The following EPB41L3 variants were observed in gnomAD, a reference collection of about 807,000 sequenced individuals.
EPB41L3 encodes band 4.1-like protein 3.
In EPB41L3, 57 loss-of-function variants were observed where a neutral mutation model predicts 127.1. The observed-to-expected ratio is 0.45, with a 90% CI of 0.36 to 0.56. The LOEUF (loss-of-function observed/expected upper bound fraction) is 0.56. Ranked by LOEUF, EPB41L3 falls within the 20% of genes least tolerant of loss-of-function variation. The pLI, the probability that EPB41L3 is intolerant of heterozygous loss-of-function variation, is 0.00. For missense variants in EPB41L3, 1,273 were observed against 1,372.2 expected (o/e 0.93, Z 1.14); for synonymous variants, 572 against 549.5 (o/e 1.04, Z -0.57).
At chr18:5,574,471 G>A (rs1042813588) in intron 3 of EPB41L3, among the ~76,000 whole-genome samples, 5 of 149,424 alleles carry the variant, frequency 3.3e-5, no homozygotes, top group African/African-American at 9.9e-5. Context: ...TATTTTAGTA[G>A]AATCAGTTTT....
intron 3 of EPB41L3, among the ~76,000 whole-genome samples, chr18:5,604,638 G>A (rs2094628831): frequency 6.6e-6 from 1 of 152,050 alleles, no homozygotes; most frequent in South Asian, 2.1e-4. Context: ...ATTTTTAGTA[G>A]AGAAGGGGTT....
At chr18:5,495,770 T>C (rs1280206605) in intron 1 of EPB41L3, among the ~76,000 whole-genome samples, 1 of 152,224 alleles carries the variant, frequency 6.6e-6, no homozygotes, top group Non-Finnish European at 1.5e-5. Flanking sequence ...CGCCCAACTC[T>C]GCCATATGCT....
At chr18:5,472,902 A>C (rs937188876) in intron 3 of EPB41L3, among the ~76,000 whole-genome samples, 14 of 152,228 alleles carry the variant, frequency 9.2e-5, no homozygotes, top group Admixed American at 8.5e-4. Flanking sequence ...TACTTCCATA[A>C]ATTTCCTTAT....
At chr18:5,463,744 G>C (rs1159973335) in intron 3 of EPB41L3, 2 of 152,210 alleles carry the variant, frequency 1.3e-5, no homozygotes, top group East Asian at 3.9e-4. Context: ...TCTCCATGAG[G>C]ATGCAGTCAG....
chr18:5,485,284 A>C (rs1187129876), intron 2 of EPB41L3, among the ~76,000 whole-genome samples: 1 of 152,120 alleles, frequency 6.6e-6, no homozygotes, highest in Non-Finnish European at 1.5e-5. Context: ...AAAGCATTTG[A>C]TAAAATTCAA....
In EPB41L3 at chr18:5,463,133, G is replaced by T. The variant is rs560819531; in HGVS notation, c.381+15108C>A. ...TCTCTACCTCATTGCCAATTGCCTT[G>T]GTTCTGGTTCTCAGCATCTCCTGCC... On this transcript the variant is annotated intron_variant, in intron 3 of 22. Transcript: ENST00000341928. Among the ~76,000 whole-genome samples the T allele has an allele frequency of 8.6e-4, 131 of 152,244 alleles. 1 individual carries two copies. The highest frequency in any genetic ancestry group is 3.0e-3 in the African/African-American group (124 of 41,520).
intron 3 of EPB41L3, chr18:5,467,417 G>C (rs964212665): frequency 2.0e-5 from 3 of 152,148 alleles, no homozygotes; most frequent in Non-Finnish European, 4.4e-5. Flanking sequence ...AACAGGATCT[G>C]AGCCCCTTTT....
chr18:5,576,295 G>C (rs765481163), intron 3 of EPB41L3, among the ~76,000 whole-genome samples: 16 of 152,152 alleles, frequency 1.1e-4, no homozygotes, highest in Non-Finnish European at 1.5e-4. Context: ...GATTGTTTTT[G>C]AAAGTTAATG....
Position 5,406,891 on chromosome 18 carries a change from G to C in EPB41L3, c.2235C>G (p.Thr745=). Residue 745 remains threonine, a synonymous_variant, in exon 16 of 23, where the codon ACC becomes ACG. Coordinates refer to ENST00000341928, the MANE Select transcript of EPB41L3 (RefSeq NM_012307.5). ...CATTCGTTACGGCAGTGTCTGTTGA[G>C]GTTTCTAAGAAGGTTCTTTTCAGCT... The part of the protein sequence containing the change: ...ISELKRTFLE[T]STDTAVTNEW... The C allele has an allele frequency of 6.2e-7, 1 of 1,614,136 alleles. No homozygotes were observed. The highest frequency in any genetic ancestry group is 8.5e-7 in the Non-Finnish European group (1 of 1,180,018).
intron 9 of EPB41L3, 115 bp from the exon 10 acceptor site, chr18:5,424,474 A>T: frequency 1.4e-6 from 1 of 703,020 alleles, no homozygotes; most frequent in Non-Finnish European, 2.3e-6. Context: ...TACTTACTAG[A>T]TCAATTGCTA....
intron 1 of EPB41L3, among the ~76,000 whole-genome samples, chr18:5,617,376 T>G (rs572105164): frequency 6.9e-4 from 104 of 151,480 alleles, no homozygotes; most frequent in Middle Eastern, 3.4e-3. Context: ...TGGAGTGCAG[T>G]GGTGCCATCT....
intron 1 of EPB41L3, among the ~76,000 whole-genome samples, chr18:5,511,105 A>G (rs1284257818): frequency 6.6e-6 from 1 of 152,086 alleles, no homozygotes; most frequent in African/African-American, 2.4e-5. Flanking sequence ...GAACAAAGTC[A>G]TTTGTTTGAC....
chr18:5,493,690 C>T (rs1216176778), intron 1 of EPB41L3, among the ~76,000 whole-genome samples: 1 of 152,150 alleles, frequency 6.6e-6, no homozygotes, highest in Non-Finnish European at 1.5e-5. Context: ...GGCCCTACCT[C>T]TCTACTTTTC....
At chr18:5,450,280 T>C (rs574152754) in intron 3 of EPB41L3, among the ~76,000 whole-genome samples, 9 of 152,252 alleles carry the variant, frequency 5.9e-5, no homozygotes, top group East Asian at 1.9e-4. Flanking sequence ...TGACATTATG[T>C]ATTTGTCAAA....
At position 5,397,128 on chromosome 18, in the gene EPB41L3, C is replaced by G. The variant is rs371240117; in HGVS notation, c.2771G>C (p.Arg924Pro). 6 of 1,614,040 alleles carry G rather than the reference C, an allele frequency of 3.7e-6. No homozygotes were observed. The East Asian group carries it at 8.9e-5, about 24-fold the overall frequency. Residue 924 changes from arginine to proline, a missense_variant, in exon 18 of 23, where the codon CGT (arginine) becomes CCT (proline). By Grantham distance (103) the Arg-to-Pro change is moderately radical (BLOSUM62 -2). Coordinates refer to ENST00000341928, the MANE Select transcript of EPB41L3 (RefSeq NM_012307.5). The surrounding 1 kb of genome is among the most constrained non-coding windows in gnomAD (Gnocchi z 4.1). ...TGCACTCTGCTCCTCTTGTCGCTCA[C>G]GGGAAGCAGCGGCTGTCTCTTCCTG... ...LEQEETAAAS[R>P]ERQEEQSAAI...
At chr18:5,409,490 T>C (rs2075921108) in intron 14 of EPB41L3, among the ~76,000 whole-genome samples, 1 of 152,150 alleles carries the variant, frequency 6.6e-6, no homozygotes, top group Admixed American at 6.5e-5. Context: ...TAAAAGAATC[T>C]GCATAATAGT....
intron 5 of EPB41L3, among the ~76,000 whole-genome samples, chr18:5,440,937 C>T (rs937982464): frequency 2.0e-5 from 3 of 152,172 alleles, no homozygotes; most frequent in Non-Finnish European, 4.4e-5. Flanking sequence ...AGTGCAGTGG[C>T]ACAATCACAG....
At chr18:5,617,148 A>T (rs924504184) in intron 1 of EPB41L3, among the ~76,000 whole-genome samples, 2 of 152,112 alleles carry the variant, frequency 1.3e-5, no homozygotes, top group African/African-American at 4.8e-5. Context: ...CACACTTTAT[A>T]TTGTTTTTAT....
intron 3 of EPB41L3, among the ~76,000 whole-genome samples, chr18:5,606,765 C>CTGT: frequency 6.6e-6 from 1 of 152,244 alleles, no homozygotes; most frequent in East Asian, 1.9e-4. Flanking sequence ...ACAAGTACTA[C>CTGT]AGAAGCTCTT....
Sources: gnomAD v4.1 joint callset for allele counts (sites outside exome capture counted in the v4.1 genomes callset) on GRCh38, gnomAD v4.1.1 for gene constraint, Gnocchi (gnomAD v3.1) non-coding constraint, MANE v1.5 for transcripts, NCBI Gene and HGNC (gene_info 2026-07-23, HGNC 2026-07-21) for gene names.